The following FANCB variants were observed in gnomAD, a reference collection of about 807,000 sequenced individuals.
The protein encoded by FANCB is Fanconi anemia group B protein.
In FANCB, 5 loss-of-function variants were observed where a neutral mutation model predicts 38.9. The ratio of observed to expected loss-of-function variants is 0.13; its 90% CI spans 0.07 to 0.27. FANCB has a LOEUF of 0.27. Among genes scored for constraint, FANCB ranks in the 10% least tolerant of loss-of-function variants. FANCB has a pLI of 1.00. For missense variants in FANCB, 573 were observed against 602.7 expected, an observed-to-expected ratio of 0.95 and a Z score of 0.52; for synonymous variants, 236 against 215.4, an observed-to-expected ratio of 1.10 and a Z score of -0.84.
chrX:14,863,505 T>C (rs1280820125), intron 3 of FANCB, among the ~76,000 whole-genome samples: 1 of 111,668 alleles, frequency 9.0e-6, no homozygotes, highest in Non-Finnish European at 1.9e-5. Context: ...AAATACAGAG[T>C]CAGAGAAATA....
At chrX:14,724,134 G>A in the FANCB span, among the ~76,000 whole-genome samples, 1 of 111,400 alleles carries the variant, frequency 9.0e-6, no homozygotes, top group East Asian at 2.8e-4. Context: ...TGTGTCTTGT[G>A]TGTATATGCA....
the FANCB span, among the ~76,000 whole-genome samples, chrX:14,809,702 C>T: frequency 8.9e-6 from 1 of 112,850 alleles, no homozygotes; most frequent in Non-Finnish European, 1.9e-5. Flanking sequence ...TGGAGCCCAC[C>T]ACAGCTCAAG....
chrX:14,808,236 C>G, the FANCB span, among the ~76,000 whole-genome samples: 1 of 111,116 alleles, frequency 9.0e-6, no homozygotes, highest in Non-Finnish European at 1.9e-5. Flanking sequence ...ACCCTGATAC[C>G]AAAACCAGAA....
chrX:14,859,440 A>C (rs919438493), intron 3 of FANCB, 106 bp from the exon 4 acceptor site: 64 of 546,804 alleles, frequency 1.2e-4, no homozygotes, highest in Non-Finnish European at 1.9e-4. Context: ...GTAAAACTCA[A>C]TCTTATAAAT....
chrX:14,707,274 T>A, the FANCB span, among the ~76,000 whole-genome samples: 1 of 111,023 alleles, frequency 9.0e-6, no homozygotes, highest in Non-Finnish European at 1.9e-5. Flanking sequence ...GGCTGGTGCT[T>A]TATTTGCTGG....
chrX:14,840,655 GACTGATT>G (rs2147381634), downstream of FANCB, among the ~76,000 whole-genome samples: 1 of 112,356 alleles, frequency 8.9e-6, no homozygotes, highest in South Asian at 3.7e-4. Flanking sequence ...TAAATATTTT[GACTGATT>G]ACTAATAGCA....
chrX:14,809,244 G>A, the FANCB span, among the ~76,000 whole-genome samples: 2 of 112,580 alleles, frequency 1.8e-5, no homozygotes, highest in African/African-American at 6.5e-5. Context: ...AGCTCCCAGC[G>A]TGAGCGACAC....
chrX:14,811,968 T>C, the FANCB span, among the ~76,000 whole-genome samples: 1,096 of 111,849 alleles, frequency 9.8e-3, 7 homozygotes, highest in Non-Finnish European at 0.013. Flanking sequence ...AACTGTCTCT[T>C]AGACCACAGT....
chrX:14,802,134 G>GAAAACACCACTTTAA, the FANCB span, among the ~76,000 whole-genome samples: 1,146 of 111,449 alleles, frequency 0.01, 11 homozygotes, highest in Middle Eastern at 0.041. Flanking sequence ...TGGTGTTGAG[G>GAAAACACCACTTTAA]GTGGGGTTAA....
chrX:14,819,924 G>A, the FANCB span, among the ~76,000 whole-genome samples: 6,380 of 111,067 alleles, frequency 0.057, 398 homozygotes, highest in African/African-American at 0.18. Flanking sequence ...AATTGTAGCC[G>A]GAGTACTCTC....
At chrX:14,858,168 GATCAC>G (rs2092430935) in intron 4 of FANCB, among the ~76,000 whole-genome samples, 1 of 111,385 alleles carries the variant, frequency 9.0e-6, no homozygotes, top group African/African-American at 3.3e-5. Context: ...AAGGTGGGCA[GATCAC>G]CTGAGGTCAG....
chrX:14,867,571 A>G (rs1378869138), intron 2 of FANCB, among the ~76,000 whole-genome samples: 1 of 111,363 alleles, frequency 9.0e-6, no homozygotes, highest in Non-Finnish European at 1.9e-5. Context: ...CATATAAAAA[A>G]TCAACTCAAA....
chrX:14,864,491 T>C (rs982392368), intron 3 of FANCB, 69 bp downstream of exon 3: 8 of 698,731 alleles, frequency 1.1e-5, no homozygotes, highest in Non-Finnish European at 1.8e-5. Flanking sequence ...GAATGAACTC[T>C]ATGAACTATA....
At chrX:14,824,926 G>C in the FANCB span, among the ~76,000 whole-genome samples, 1 of 112,282 alleles carries the variant, frequency 8.9e-6, no homozygotes, top group Non-Finnish European at 1.9e-5. Flanking sequence ...CTGCTGGAAA[G>C]GAATTCCCTT....
chrX:14,795,796 A>G, the FANCB span, among the ~76,000 whole-genome samples: 1 of 112,128 alleles, frequency 8.9e-6, no homozygotes, highest in Non-Finnish European at 1.9e-5. Context: ...GGAGCTGGAA[A>G]GGCAATTCTG....
chrX:14,812,508 A>C, the FANCB span, among the ~76,000 whole-genome samples: 3 of 112,320 alleles, frequency 2.7e-5, no homozygotes, highest in East Asian at 8.3e-4. Flanking sequence ...ACAGAAATAC[A>C]AACTACCATC....
At chrX:14,737,000 C>CA in the FANCB span, among the ~76,000 whole-genome samples, 8 of 109,825 alleles carry the variant, frequency 7.3e-5, 1 homozygote, top group South Asian at 3.2e-3. Flanking sequence ...ACTAAAAATA[C>CA]AAAAAAATTA....
At chrX:14,699,697 A>T in the FANCB span, among the ~76,000 whole-genome samples, 1 of 111,594 alleles carries the variant, frequency 9.0e-6, no homozygotes, top group African/African-American at 3.3e-5. Flanking sequence ...CATAGTACCC[A>T]CTGACTAACT....
the FANCB span, among the ~76,000 whole-genome samples, chrX:14,708,638 A>G: frequency 3.2e-3 from 354 of 111,666 alleles, 1 homozygote; most frequent in African/African-American, 0.01. Flanking sequence ...CACAGCTGGG[A>G]GAAAAGAGAG....
Sources: gnomAD v4.1 joint callset for allele counts (sites outside exome capture counted in the v4.1 genomes callset) on GRCh38, gnomAD v4.1.1 for gene constraint, MANE v1.5 for transcripts, NCBI Gene and HGNC (gene_info 2026-07-23, HGNC 2026-07-21) for gene names.